WDPCP: variants seen among roughly 807,000 people sequenced by gnomAD.
The protein encoded by WDPCP is WD repeat containing planar cell polarity effector, also known as WD repeat-containing and planar cell polarity effector protein fritz homolog.
Under a neutral mutation model 93.1 loss-of-function variants are expected in WDPCP, and 71 were observed. That is an observed-to-expected ratio of 0.76 (90% CI 0.63 to 0.93). WDPCP has a LOEUF of 0.93. Ranked by LOEUF, WDPCP falls within the 40% of genes least tolerant of loss-of-function variation. The pLI, the probability that WDPCP is intolerant of heterozygous loss-of-function variation, is 0.00. For missense variants in WDPCP, 844 were observed against 887.4 expected, an observed-to-expected ratio of 0.95 and a Z score of 0.62; for synonymous variants, 315 against 315.0, an observed-to-expected ratio of 1.00 and a Z score of 0.00.
At chr2:63,423,594 T>C (rs1359568663) in intron 9 of WDPCP, among the ~76,000 whole-genome samples, 1 of 152,158 alleles carries the variant, frequency 6.6e-6, no homozygotes, top group African/African-American at 2.4e-5. Context: ...GATCATGAAA[T>C]TACCACCATA....
intron 10 of WDPCP, among the ~76,000 whole-genome samples, chr2:63,383,263 TGA>T (rs1412596237): frequency 6.6e-6 from 1 of 152,102 alleles, no homozygotes; most frequent in African/African-American, 2.4e-5. Context: ...TTAAAAGTAC[TGA>T]GAGGTAAAAA....
At chr2:63,625,530 G>A (rs753049124) in intron 3 of WDPCP, among the ~76,000 whole-genome samples, 15 of 152,050 alleles carry the variant, frequency 9.9e-5, no homozygotes, top group Non-Finnish European at 1.6e-4. Flanking sequence ...CTTATACACG[G>A]ATAATAGACA....
Position 63,735,936 on chromosome 2 carries a change from C to T in WDPCP, n.308+77686G>A, listed in dbSNP as rs796364837. ...AGAAACTTATAATACCAATGGTTTT[C>T]GAGAGTCCTTTCCAGTTAAATTTTT... On this transcript the variant is annotated intron_variant and non_coding_transcript_variant, in intron 2 of 4. Coordinates refer to the WDPCP transcript ENST00000467687. 2.6e-5 allele frequency among the ~76,000 whole-genome samples: 4 copies of T among 152,284 alleles called. 1 individual carries two copies. Among genetic ancestry groups the T allele is most frequent in the African/African-American group, 9.6e-5 (4 of 41,564 alleles).
intron 2 of WDPCP, among the ~76,000 whole-genome samples, chr2:63,718,546 G>A (rs147385674): frequency 1.1e-3 from 166 of 152,232 alleles, no homozygotes; most frequent in Non-Finnish European, 2.1e-3. Context: ...CTACTTGCAT[G>A]TGTTCTTTTG....
At chr2:63,596,471 T>G (rs1469902037) in intron 3 of WDPCP, among the ~76,000 whole-genome samples, 1 of 152,222 alleles carries the variant, frequency 6.6e-6, no homozygotes, top group Non-Finnish European at 1.5e-5. Context: ...TTGTATTCCT[T>G]TCTCTGCTGA....
At chr2:63,664,433 T>TG (rs1177863203) in intron 2 of WDPCP, among the ~76,000 whole-genome samples, 2 of 152,218 alleles carry the variant, frequency 1.3e-5, no homozygotes, top group African/African-American at 2.4e-5. Flanking sequence ...CCATCAGCTC[T>TG]GCTGCAACTG....
chr2:63,480,013 G>A (rs1038122046), intron 6 of WDPCP, among the ~76,000 whole-genome samples: 1 of 152,090 alleles, frequency 6.6e-6, no homozygotes, highest in Admixed American at 6.6e-5. Context: ...TCCTAGAACT[G>A]ATAAACTAAT....
chr2:63,440,863 C>A (rs1697459982), intron 6 of WDPCP: 1 of 152,528 alleles, frequency 6.6e-6, no homozygotes, highest in Non-Finnish European at 1.5e-5. Context: ...CCCCCACCCA[C>A]CTAGGCATCA....
chr2:63,602,934 C>CTTTTGTTTTTT (rs1709452776), intron 3 of WDPCP, among the ~76,000 whole-genome samples: 9 of 131,536 alleles, frequency 6.8e-5, no homozygotes, highest in Non-Finnish European at 1.3e-4. Flanking sequence ...TTTAACCGTT[C>CTTTTGTTTTTT]TTTTTTTTTT....
intron 13 of WDPCP, among the ~76,000 whole-genome samples, chr2:63,312,388 A>G (rs1476309507): frequency 6.6e-6 from 1 of 152,140 alleles, no homozygotes; most frequent in Non-Finnish European, 1.5e-5. Flanking sequence ...GAGGCTTTTG[A>G]TTTATTGTTT....
intron 12 of WDPCP, among the ~76,000 whole-genome samples, chr2:63,371,429 G>A (rs902130604): frequency 6.6e-6 from 1 of 151,974 alleles, no homozygotes; most frequent in Non-Finnish European, 1.5e-5. Flanking sequence ...CCATTCACTA[G>A]GTAGTTTCAA....
At chr2:63,740,185 T>A (rs1669693634) in intron 2 of WDPCP, among the ~76,000 whole-genome samples, 1 of 152,138 alleles carries the variant, frequency 6.6e-6, no homozygotes, top group Non-Finnish European at 1.5e-5. Context: ...TATGTGTACT[T>A]CTATTAAGTA....
intron 12 of WDPCP, among the ~76,000 whole-genome samples, chr2:63,324,493 C>T (rs923163702): frequency 1.3e-5 from 2 of 152,156 alleles, no homozygotes; most frequent in Admixed American, 6.5e-5. Context: ...TGATTTAAAG[C>T]AGATCAAGGC....
chr2:63,442,322 T>C (rs1410476310), intron 6 of WDPCP: 2 of 152,176 alleles, frequency 1.3e-5, no homozygotes. Context: ...AATAACTTTT[T>C]ACAAAAAACA....
At chr2:63,231,492 C>T (rs1002443670) in intron 14 of WDPCP, among the ~76,000 whole-genome samples, 2 of 152,262 alleles carry the variant, frequency 1.3e-5, no homozygotes, top group South Asian at 4.1e-4. Context: ...TTTCAGGATA[C>T]AAAATCAATG....
At chr2:63,704,080 CT>C (rs1212025431) in intron 2 of WDPCP, among the ~76,000 whole-genome samples, 19 of 152,148 alleles carry the variant, frequency 1.2e-4, no homozygotes, top group Admixed American at 1.2e-3. Flanking sequence ...TGAGAGTTCA[CT>C]CATGATTTGG....
chr2:63,783,662 G>T lies in WDPCP; in HGVS notation n.308+29960C>A, dbSNP rs529200117. ...TGGAGGCCATTATCTTAAGTGAAATGACTCAGAAAGAGACAAATACCACAT... is the reference window on the plus strand; with the variant it reads ...TGGAGGCCATTATCTTAAGTGAAATTACTCAGAAAGAGACAAATACCACAT... On this transcript the variant is annotated intron_variant and non_coding_transcript_variant, in intron 2 of 4. Coordinates refer to the WDPCP transcript ENST00000467687. Among the ~76,000 whole-genome samples the T allele has an allele frequency of 2.0e-5, 3 of 152,228 alleles. No individual in the cohort carries two copies. In the South Asian group the frequency reaches 6.2e-4, roughly 32 times the overall value.
At chr2:63,142,919 C>CAT (rs146318099) in intron 17 of WDPCP, among the ~76,000 whole-genome samples, 81 of 145,992 alleles carry the variant, frequency 5.5e-4, no homozygotes, top group East Asian at 5.2e-3. Context: ...TATACACATA[C>CAT]ATATACACAC....
chr2:63,560,078 C>G (rs7577952), intron 1 of WDPCP, among the ~76,000 whole-genome samples: 1 of 151,794 alleles, frequency 6.6e-6, no homozygotes. Flanking sequence ...AAAAAATTAG[C>G]CAGGCGTGGT....
Sources: gnomAD v4.1 joint callset for allele counts (sites outside exome capture counted in the v4.1 genomes callset) on GRCh38, gnomAD v4.1.1 for gene constraint, MANE v1.5 for transcripts, NCBI Gene and HGNC (gene_info 2026-07-23, HGNC 2026-07-21) for gene names.